TSNARE1: variants seen among roughly 807,000 people sequenced by gnomAD.
TSNARE1 encodes t-SNARE domain-containing protein 1.
A neutral mutation model predicts 62.0 loss-of-function variants in TSNARE1; 49 were observed. The ratio of observed to expected loss-of-function variants is 0.79; its 90% CI spans 0.63 to 1.00. The LOEUF (loss-of-function observed/expected upper bound fraction) is 1.00. TSNARE1 is among the 50% of genes least tolerant of loss of function. TSNARE1 has a pLI of 0.00. For missense variants in TSNARE1, 755 were observed against 700.1 expected, an observed-to-expected ratio of 1.08 and a Z score of -0.88; for synonymous variants, 328 against 294.4, an observed-to-expected ratio of 1.11 and a Z score of -1.17.
intron 9 of TSNARE1, 31 bp downstream of exon 9, chr8:142,314,353 C>T: frequency 1.2e-6 from 2 of 1,600,808 alleles, no homozygotes; most frequent in African/African-American, 1.3e-5. Context: ...CCCCTAACAG[C>T]CACTGACCAT....
chr8:142,335,900 G>A (rs2129705175), intron 4 of TSNARE1, among the ~76,000 whole-genome samples: 1 of 152,262 alleles, frequency 6.6e-6, no homozygotes, highest in Non-Finnish European at 1.5e-5. Flanking sequence ...CAGATGACAG[G>A]GCCTTTCATC....
intron 12 of TSNARE1, among the ~76,000 whole-genome samples, chr8:142,250,451 A>C (rs1818108301): frequency 6.6e-6 from 1 of 152,130 alleles, no homozygotes. Context: ...GGGCTGAGCC[A>C]GGGGAGAGGG....
At chr8:142,358,963 A>C (rs1338424948) in intron 1 of TSNARE1, among the ~76,000 whole-genome samples, 2 of 151,418 alleles carry the variant, frequency 1.3e-5, no homozygotes, top group African/African-American at 4.9e-5. Context: ...ACCGGCACCC[A>C]AGGTCTCTGG....
At chr8:142,276,731 T>C (rs1586957928) in intron 11 of TSNARE1, 1 of 985,344 alleles carries the variant, frequency 1.0e-6, no homozygotes, top group East Asian at 1.1e-4. Flanking sequence ...ACTCTGATCG[T>C]AGTGTGTGAC....
chr8:142,387,113 T>C (rs759755357), intron 1 of TSNARE1, among the ~76,000 whole-genome samples: 3 of 152,168 alleles, frequency 2.0e-5, no homozygotes, highest in Non-Finnish European at 2.9e-5. Context: ...GTCAATATTC[T>C]CTCACCAAAA....
chr8:142,283,263 C>T (rs1009925514), intron 11 of TSNARE1, among the ~76,000 whole-genome samples: 1 of 150,722 alleles, frequency 6.6e-6, no homozygotes, highest in African/African-American at 2.4e-5. Context: ...CAGTGTCTGC[C>T]AATGAGCAGA....
chr8:142,214,990 C>A (rs1310848040), intron 13 of TSNARE1, among the ~76,000 whole-genome samples: 1 of 152,214 alleles, frequency 6.6e-6, no homozygotes, highest in African/African-American at 2.4e-5. Context: ...CCTCCCCCAG[C>A]GCTTCCCACC....
intron 13 of TSNARE1, among the ~76,000 whole-genome samples, chr8:142,223,218 A>G (rs1462832106): frequency 6.7e-6 from 1 of 149,640 alleles, no homozygotes; most frequent in African/African-American, 2.5e-5. Flanking sequence ...TCATTCACTC[A>G]TTCATCCACT....
chr8:142,373,146 A>G (rs752644619), intron 1 of TSNARE1, among the ~76,000 whole-genome samples: 2 of 152,168 alleles, frequency 1.3e-5, no homozygotes, highest in African/African-American at 4.8e-5. Context: ...CATGAGAAGA[A>G]AGAGAGGAAG....
intron 1 of TSNARE1, among the ~76,000 whole-genome samples, chr8:142,389,925 T>C (rs568065211): frequency 6.6e-6 from 1 of 152,170 alleles, no homozygotes; most frequent in Non-Finnish European, 1.5e-5. Flanking sequence ...ACACACCAAA[T>C]GCTGGAGCCC....
intron 10 of TSNARE1, among the ~76,000 whole-genome samples, chr8:142,296,745 G>A (rs1382994938): frequency 6.6e-6 from 1 of 152,044 alleles, no homozygotes; most frequent in Non-Finnish European, 1.5e-5. Context: ...TCAGGGCAGG[G>A]TGCTCAGGGG....
At chr8:142,287,821 C>A (rs1229932635) in intron 10 of TSNARE1, among the ~76,000 whole-genome samples, 3 of 149,656 alleles carry the variant, frequency 2.0e-5, no homozygotes, top group Non-Finnish European at 4.4e-5. Context: ...GAACCCAGGA[C>A]CCCAGCCAGA....
At chr8:142,218,948 A>C (rs1457571229) in intron 13 of TSNARE1, among the ~76,000 whole-genome samples, 1 of 152,266 alleles carries the variant, frequency 6.6e-6, no homozygotes, top group Non-Finnish European at 1.5e-5. Flanking sequence ...TGAGCAGAGG[A>C]GACAGTCAAG....
intron 1 of TSNARE1, among the ~76,000 whole-genome samples, chr8:142,359,812 GCATGAAACATGCCAGAAGGCC>G (rs1222920408): frequency 6.6e-6 from 1 of 152,206 alleles, no homozygotes; most frequent in Non-Finnish European, 1.5e-5. Flanking sequence ...TCAGTGCAGG[GCATGAAACATGCCAGAAGGCC>G]TCAGACACCC....
intron 11 of TSNARE1, chr8:142,278,068 G>A (rs1257698938): frequency 1.0e-6 from 1 of 985,288 alleles, no homozygotes; most frequent in Admixed American, 6.1e-5. Flanking sequence ...ACAGGCCTGA[G>A]AGGACCCAGA....
At chr8:142,341,822 A>T (rs1832624024) in intron 4 of TSNARE1, among the ~76,000 whole-genome samples, 1 of 152,176 alleles carries the variant, frequency 6.6e-6, no homozygotes, top group South Asian at 2.1e-4. Flanking sequence ...CCCAGTGCCC[A>T]GCACAACCAC....
intron 12 of TSNARE1, among the ~76,000 whole-genome samples, chr8:142,240,616 A>C (rs141673977): frequency 1.3e-5 from 2 of 152,338 alleles, no homozygotes; most frequent in African/African-American, 4.8e-5. Flanking sequence ...GTCTTGGCAA[A>C]TTTCAAAGAA....
rs115053347 is a variant in TSNARE1, at chr8:142,373,875, C to G, written c.-39-19112G>C. On this transcript the variant is annotated intron_variant, in intron 1 of 13. Transcript: ENST00000524325. ...GAGGGACGGCCAGGGAGGAAGGGCTCAGAGCACAGCCAGCGGCACACCCAG... is the reference window on the plus strand; with the variant it reads ...GAGGGACGGCCAGGGAGGAAGGGCTGAGAGCACAGCCAGCGGCACACCCAG... Among the ~76,000 whole-genome samples the G allele has an allele frequency of 8.0e-3, 1,223 of 152,180 alleles. 17 individuals are homozygous for G. Among genetic ancestry groups the G allele is most frequent in the African/African-American group, 0.028 (1,152 of 41,514 alleles).
chr8:142,222,492 C>T (rs995735147), intron 13 of TSNARE1, among the ~76,000 whole-genome samples: 9 of 15,938 alleles, frequency 5.6e-4, no homozygotes, highest in African/African-American at 8.2e-4. Context: ...ACTCACTCAT[C>T]CACTCACTCA....
Sources: gnomAD v4.1 joint callset for allele counts (sites outside exome capture counted in the v4.1 genomes callset) on GRCh38, gnomAD v4.1.1 for gene constraint, MANE v1.5 for transcripts, NCBI Gene and HGNC (gene_info 2026-07-23, HGNC 2026-07-21) for gene names.